ADCY8: variants seen among roughly 807,000 people sequenced by gnomAD.
ADCY8 encodes adenylate cyclase 8.
Under a neutral mutation model 119.7 loss-of-function variants are expected in ADCY8, and 51 were observed. The observed-to-expected ratio is 0.43, with a 90% CI of 0.34 to 0.54. The LOEUF (loss-of-function observed/expected upper bound fraction) is 0.54, where lower values mean the gene tolerates loss of function less well. ADCY8 is among the 20% of genes least tolerant of loss of function. The pLI, the probability that ADCY8 is intolerant of heterozygous loss-of-function variation, is 0.03. For synonymous variants in ADCY8, 665 were observed against 651.0 expected, an observed-to-expected ratio of 1.02 and a Z score of -0.33; for missense variants, 1,383 against 1,598.8, an observed-to-expected ratio of 0.87 and a Z score of 2.30.
intron 1 of ADCY8, among the ~76,000 whole-genome samples, chr8:131,018,896 G>A (rs966793698): frequency 6.6e-6 from 1 of 152,190 alleles, no homozygotes; most frequent in Non-Finnish European, 1.5e-5. Context: ...ATGGTTAGGA[G>A]GAGGTTAGGC....
At chr8:130,793,435 T>G (rs1469842193) in intron 15 of ADCY8, among the ~76,000 whole-genome samples, 1 of 152,250 alleles carries the variant, frequency 6.6e-6, no homozygotes, top group Non-Finnish European at 1.5e-5. Context: ...CCCTGCATTA[T>G]CTTCCCCCAC....
chr8:130,839,554 T>C lies in ADCY8; in HGVS notation c.2503-3105A>G, dbSNP rs557925331. ...GGAAGCTACAGAAGTATTATGGCTT[T>C]GTGAAAGCTTTGTGAAAACATTTCT... On this transcript the variant is annotated intron_variant, in intron 11 of 17. Transcript: ENST00000286355. Among the ~76,000 whole-genome samples the C allele has an allele frequency of 1.7e-4, 24 of 140,526 alleles. 2 individuals are homozygous for C. In the Middle Eastern group the frequency reaches 0.011, roughly 62 times the overall value. The allele number at this position is 140,526 out of a possible 152,430, so 92.2% of individuals were successfully genotyped here. A position where few individuals can be genotyped will look rare whatever the true frequency, so the allele number is the denominator to read the frequency against.
chr8:130,993,883 G>A (rs1822682104), intron 1 of ADCY8, among the ~76,000 whole-genome samples: 1 of 152,182 alleles, frequency 6.6e-6, no homozygotes, highest in South Asian at 2.1e-4. Flanking sequence ...GGCACATATT[G>A]AAAATTTGTA....
chr8:130,824,939 C>G (rs999356042), intron 12 of ADCY8, among the ~76,000 whole-genome samples: 5 of 152,218 alleles, frequency 3.3e-5, no homozygotes, highest in Non-Finnish European at 7.3e-5. Context: ...TGCATCCATT[C>G]TTGTCCCCAT....
chr8:130,801,554 G>A (rs1815776664), intron 14 of ADCY8, among the ~76,000 whole-genome samples: 1 of 151,936 alleles, frequency 6.6e-6, no homozygotes, highest in East Asian at 1.9e-4. Context: ...TCTTCTAAGA[G>A]TCTCTTCTAA....
chr8:131,035,615 G>C (rs1824129336), intron 1 of ADCY8, among the ~76,000 whole-genome samples: 1 of 152,138 alleles, frequency 6.6e-6, no homozygotes, highest in African/African-American at 2.4e-5. Context: ...ACCCTGTCAA[G>C]TCACAGATGT....
At chr8:130,956,937 T>C (rs906309481) in intron 2 of ADCY8, among the ~76,000 whole-genome samples, 3 of 152,218 alleles carry the variant, frequency 2.0e-5, no homozygotes, top group South Asian at 2.1e-4. Flanking sequence ...TAAAACCCTT[T>C]TTCCTGTATA....
chr8:130,915,402 A>C (rs1586567138), intron 5 of ADCY8, among the ~76,000 whole-genome samples: 1 of 152,216 alleles, frequency 6.6e-6, no homozygotes, highest in East Asian at 1.9e-4. Flanking sequence ...TACATTAGAC[A>C]GGAATCCCAA....
chr8:130,934,313 C>A (rs138769117), intron 5 of ADCY8, among the ~76,000 whole-genome samples: 241 of 152,266 alleles, frequency 1.6e-3, no homozygotes, highest in African/African-American at 5.4e-3. Context: ...AGGAAACTTA[C>A]AATCATGGCA....
chr8:130,924,926 C>T (rs932070006), intron 5 of ADCY8, among the ~76,000 whole-genome samples: 2 of 151,850 alleles, frequency 1.3e-5, no homozygotes, highest in South Asian at 2.1e-4. Context: ...GAAACTCAAG[C>T]GTCCGGGCAC....
intron 12 of ADCY8, 110 bp downstream of exon 12, chr8:130,836,167 T>C (rs1816979040): frequency 2.5e-6 from 3 of 1,216,558 alleles, no homozygotes; most frequent in Admixed American, 2.6e-5. Flanking sequence ...TATAAGTCAA[T>C]ATCCAATCAG....
At chr8:130,871,373 C>A (rs1221291989) in intron 8 of ADCY8, among the ~76,000 whole-genome samples, 1 of 152,170 alleles carries the variant, frequency 6.6e-6, no homozygotes, top group Non-Finnish European at 1.5e-5. Flanking sequence ...ATTTGAATCC[C>A]AGCTCTAACA....
chr8:131,040,266 G>A lies in ADCY8; in HGVS notation c.68C>T (p.Pro23Leu), dbSNP rs561960444. The change falls in exon 1 of 18, where the codon CCG becomes CTG. Residue 23 changes from proline (P) to leucine (L), a missense_variant. By Grantham distance (98) the Pro-to-Leu change is moderately conservative. Around this residue, in one of 2 missense-constraint regions of ADCY8, gnomAD observed 455 missense variants for 435.3 expected, o/e 1.05. Coordinates refer to ENST00000286355, the MANE Select transcript of ADCY8 (RefSeq NM_001115.3). The part of the protein sequence containing the change: ...EELYTIHPTP[P>L]AGDGRSASRP... The stretch of plus-strand genomic sequence containing the variant: ...GGAGGCGCTCCTGCCGTCGCCGGCC[G>A]GGGGCGTCGGGTGGATGGTGTAGAG... The A allele has an allele frequency of 4.4e-5, 69 of 1,559,612 alleles. No homozygotes were observed. In the East Asian group the frequency reaches 1.6e-3, roughly 36 times the overall value.
In ADCY8 at chr8:131,040,270, G is replaced by A. The variant is rs763889233; in HGVS notation, c.64C>T (p.Pro22Ser). ...SEELYTIHPT[P>S]PAGDGRSASR... is the part of the protein sequence containing the mutation. ...GCGCTCCTGCCGTCGCCGGCCGGGG[G>A]CGTCGGGTGGATGGTGTAGAGTTCC... Residue 22 changes from proline (P) to serine (S), a missense_variant, in exon 1 of 18, where the codon CCC becomes TCC. By Grantham distance (74) the Pro-to-Ser change is moderately conservative. This residue lies in a region of ADCY8 where 455 missense variants were observed against 435.3 expected (regional missense o/e 1.05). Transcript: ENST00000286355. The A allele has an allele frequency of 8.3e-6, 13 of 1,562,872 alleles. No individual in the cohort carries two copies. The highest frequency in any genetic ancestry group is 1.8e-5 in the Admixed American group (1 of 54,406).
intron 1 of ADCY8, among the ~76,000 whole-genome samples, chr8:131,023,198 G>A (rs1423693131): frequency 6.6e-6 from 1 of 152,214 alleles, no homozygotes; most frequent in African/African-American, 2.4e-5. Flanking sequence ...TGTGTAGGAA[G>A]TGCTAGATAT....
rs573961130 is a variant in ADCY8, at chr8:130,987,807, T to C, written c.1110+2586A>G. ...GACCTAACGATGATTCTGGTTGCTA[T>C]GCACTTAAGGAGAGCCATCATCCTG... On this transcript the variant is annotated intron_variant, in intron 2 of 17. Coordinates refer to ENST00000286355, the MANE Select transcript of ADCY8 (RefSeq NM_001115.3). 3.9e-5 allele frequency among the ~76,000 whole-genome samples: 6 copies of C among 152,326 alleles called. No individual in the cohort carries two copies. The South Asian group carries it at 1.0e-3, about 26-fold the overall frequency.
chr8:130,967,563 C>G (rs991144428), intron 2 of ADCY8, among the ~76,000 whole-genome samples: 12 of 152,150 alleles, frequency 7.9e-5, no homozygotes, highest in Non-Finnish European at 1.2e-4. Context: ...CAGTGGCCAT[C>G]AGATATGTTT....
chr8:130,948,734 C>A (rs1273634781), intron 3 of ADCY8, among the ~76,000 whole-genome samples: 1 of 150,790 alleles, frequency 6.6e-6, no homozygotes, highest in Non-Finnish European at 1.5e-5. Context: ...GAAATGATTT[C>A]AAAAATGCTC....
At chr8:130,869,023 T>G (rs1462870737) in intron 8 of ADCY8, among the ~76,000 whole-genome samples, 3 of 152,208 alleles carry the variant, frequency 2.0e-5, no homozygotes, top group African/African-American at 7.2e-5. Context: ...TTTTCTGACT[T>G]CTTGGGGTGG....
Sources: gnomAD v4.1 joint callset for allele counts (sites outside exome capture counted in the v4.1 genomes callset) on GRCh38, gnomAD v4.1.1 for gene constraint, gnomAD v4.1.1 regional missense constraint, MANE v1.5 for transcripts, NCBI Gene and HGNC (gene_info 2026-07-23, HGNC 2026-07-21) for gene names.